The following CMKLR1 variants were observed in gnomAD, a reference collection of about 807,000 sequenced individuals.
CMKLR1 encodes chemerin-like receptor 1.
Under a neutral mutation model 8.2 loss-of-function variants are expected in CMKLR1, and 6 were observed. The observed-to-expected ratio is 0.73, with a 90% CI of 0.40 to 1.44. The LOEUF (loss-of-function observed/expected upper bound fraction) is 1.44, where lower values mean the gene tolerates loss of function less well. Ranked by LOEUF, CMKLR1 falls within the 40% of genes most tolerant of loss-of-function variation. The pLI is 0.02. For synonymous variants in CMKLR1, 178 were observed against 181.2 expected, an observed-to-expected ratio of 0.98 and a Z score of 0.14; for missense variants, 429 against 478.0, an observed-to-expected ratio of 0.90 and a Z score of 0.96.
intron 2 of CMKLR1, among the ~76,000 whole-genome samples, chr12:108,309,536 CA>C (rs559833092): frequency 0.015 from 1,970 of 134,822 alleles, 8 homozygotes; most frequent in Non-Finnish European, 0.021. Context: ...CCTCCATCTC[CA>C]AAAAAAAAAA....
intron 1 of CMKLR1, among the ~76,000 whole-genome samples, chr12:108,333,055 T>C (rs1018582535): frequency 3.3e-5 from 5 of 152,146 alleles, no homozygotes. Context: ...TGCCCTCTTC[T>C]CACTACACCA....
At chr12:108,338,682 A>G (rs1038681739) in intron 1 of CMKLR1, among the ~76,000 whole-genome samples, 2 of 152,234 alleles carry the variant, frequency 1.3e-5, no homozygotes, top group Non-Finnish European at 2.9e-5. Context: ...AAAAGAAGCA[A>G]ATCTATTATG....
intron 2 of CMKLR1, among the ~76,000 whole-genome samples, chr12:108,304,156 C>T (rs1428624710): frequency 1.3e-5 from 2 of 152,194 alleles, no homozygotes; most frequent in African/African-American, 2.4e-5. Flanking sequence ...TGTTTACCCT[C>T]CAGCTCCTTC....
chr12:108,292,739 A>G lies in CMKLR1; in HGVS notation c.224T>C (p.Met75Thr). 2 of 1,614,172 alleles carry G rather than the reference A, an allele frequency of 1.2e-6. No individual in the cohort carries two copies. Among genetic ancestry groups the G allele is most frequent in the Non-Finnish European group, 1.7e-6 (2 of 1,180,012 alleles). Residue 75 changes from methionine to threonine, a missense_variant, in exon 4 of 4, where the codon ATG becomes ACG. Physicochemically the swap from Met to Thr is moderately conservative, Grantham distance 81. Transcript: ENST00000550402. Reference protein sequence around the residue: ...ATFKMKKTVNMVWFLNLAVAD... With the variant: ...ATFKMKKTVNTVWFLNLAVAD... Reference sequence around the variant, plus strand: ...CACTGCCAGGTTGAGGAACCAGACCATGTTCACTGTCTTCTTCATCTTGAA... The same window carrying G: ...CACTGCCAGGTTGAGGAACCAGACCGTGTTCACTGTCTTCTTCATCTTGAA...
At chr12:108,299,959 C>T (rs1165572832) in intron 2 of CMKLR1, among the ~76,000 whole-genome samples, 1 of 152,196 alleles carries the variant, frequency 6.6e-6, no homozygotes, top group Non-Finnish European at 1.5e-5. Context: ...TCCTGCTCAC[C>T]CATGTGGGGC....
Position 108,330,200 on chromosome 12 carries a change from G to T in CMKLR1, c.-279C>A, listed in dbSNP as rs1379992546. On this transcript the variant is annotated 5_prime_UTR_variant, in exon 2 of 4. Coordinates refer to ENST00000550402, the MANE Select transcript of CMKLR1 (RefSeq NM_001142343.2). ...GAAAAATCCAAGCAGTTCTGCTGGAGAGATGGGCTACAGAGAGAGAGAAAG... is the reference window on the plus strand; with the variant it reads ...GAAAAATCCAAGCAGTTCTGCTGGATAGATGGGCTACAGAGAGAGAGAAAG... 6.6e-6 allele frequency: 1 copy of T among 152,200 alleles called. No homozygotes were observed. The highest frequency in any genetic ancestry group is 2.4e-5 in the African/African-American group (1 of 41,448). 9.4% of individuals were successfully genotyped at this position (152,200 alleles called of 1,614,324 possible). A position where few individuals can be genotyped will look rare whatever the true frequency, so the allele number is the denominator to read the frequency against.
Position 108,310,875 on chromosome 12 carries a change from G to A in CMKLR1, c.-73-17211C>T, listed in dbSNP as rs542530648. 2.4e-4 allele frequency among the ~76,000 whole-genome samples: 36 copies of A among 152,238 alleles called. No homozygotes were observed. In the South Asian group the frequency reaches 6.7e-3, roughly 28 times the overall value. On this transcript the variant is annotated intron_variant, in intron 2 of 3. Transcript: ENST00000550402. ...AGACAGGAGGGAGGCAGTGCTGAGG[G>A]GCAGCCAGAACCTGCAGCTCACCAG...
At chr12:108,295,588 C>A (rs957683457) in intron 2 of CMKLR1, among the ~76,000 whole-genome samples, 3 of 152,208 alleles carry the variant, frequency 2.0e-5, no homozygotes, top group African/African-American at 7.2e-5. Context: ...TGTTACCCAG[C>A]CTGGGAGTCT....
intron 2 of CMKLR1, among the ~76,000 whole-genome samples, chr12:108,327,017 G>C (rs994336430): frequency 4.6e-5 from 7 of 152,004 alleles, no homozygotes; most frequent in Non-Finnish European, 1.0e-4. Flanking sequence ...GAGAGAGAGA[G>C]AAACTGATCC....
chr12:108,329,219 T>C (rs370907470), intron 2 of CMKLR1, among the ~76,000 whole-genome samples: 1 of 152,180 alleles, frequency 6.6e-6, no homozygotes, highest in Non-Finnish European at 1.5e-5. Context: ...ATAAAGCACA[T>C]TGGACCACCT....
At chr12:108,324,601 G>A (rs1891939571) in intron 2 of CMKLR1, among the ~76,000 whole-genome samples, 1 of 152,148 alleles carries the variant, frequency 6.6e-6, no homozygotes, top group African/African-American at 2.4e-5. Context: ...TTAAATGCAT[G>A]GGCCTATTAT....
chr12:108,303,073 C>T (rs11113808), intron 2 of CMKLR1, among the ~76,000 whole-genome samples: 23,593 of 152,086 alleles, frequency 0.16, 1,922 homozygotes, highest in Admixed American at 0.23. Flanking sequence ...TTACTGAATC[C>T]CTGACCGAGC....
chr12:108,300,049 T>C (rs933635154), intron 2 of CMKLR1, among the ~76,000 whole-genome samples: 5 of 152,250 alleles, frequency 3.3e-5, no homozygotes, highest in Non-Finnish European at 5.9e-5. Flanking sequence ...TTGGGTCTTA[T>C]TCAGCTCCAT....
chr12:108,310,198 T>C (rs1197538786), intron 2 of CMKLR1, among the ~76,000 whole-genome samples: 1 of 139,224 alleles, frequency 7.2e-6, no homozygotes, highest in South Asian at 2.3e-4. Flanking sequence ...TGTGTGTGTG[T>C]TAGGGGAGGG....
chr12:108,301,100 G>C (rs1037251058), intron 2 of CMKLR1, among the ~76,000 whole-genome samples: 8 of 115,938 alleles, frequency 6.9e-5, no homozygotes, highest in Admixed American at 1.2e-4. Flanking sequence ...TTTTTGAGAC[G>C]AAGTCTCACT....
At chr12:108,302,797 A>C (rs1171224161) in intron 2 of CMKLR1, among the ~76,000 whole-genome samples, 2 of 152,172 alleles carry the variant, frequency 1.3e-5, no homozygotes, top group Non-Finnish European at 2.9e-5. Flanking sequence ...CACATTGAAC[A>C]CATTAGAATG....
rs1890906020 is a variant in CMKLR1 at position 108,289,670 on chromosome 12, A to T, written c.*2171T>A. 6.6e-6 allele frequency: 1 copy of T among 152,216 alleles called. No individual in the cohort carries two copies. 9.4% of individuals were successfully genotyped at this position (152,216 alleles called of 1,614,324 possible). The stretch of plus-strand genomic sequence containing the variant: ...CTCGTGCCTCAGTAAATGTGGGAAG[A>T]GGGGAGATGGGGGCCACTGAGCAAT... On this transcript the variant is annotated 3_prime_UTR_variant, in exon 4 of 4. Coordinates refer to ENST00000550402, the MANE Select transcript of CMKLR1 (RefSeq NM_001142343.2).
chr12:108,321,833 G>A (rs1198613252), intron 2 of CMKLR1, among the ~76,000 whole-genome samples: 2 of 152,150 alleles, frequency 1.3e-5, no homozygotes, highest in Non-Finnish European at 2.9e-5. Context: ...AGCACATATG[G>A]TGATACAGTT....
intron 1 of CMKLR1, among the ~76,000 whole-genome samples, chr12:108,336,435 A>T (rs1892226032): frequency 6.6e-6 from 1 of 151,480 alleles, no homozygotes; most frequent in Non-Finnish European, 1.5e-5. Flanking sequence ...AGTCGCAGCT[A>T]CTTGGGAGGC....
Sources: allele counts gnomAD v4.1 joint callset (sites outside exome capture counted in the v4.1 genomes callset), GRCh38; gene constraint gnomAD v4.1.1; transcripts MANE v1.5; gene names NCBI Gene and HGNC (gene_info 2026-07-23, HGNC 2026-07-21).